PRKN: variants seen among roughly 807,000 people sequenced by gnomAD.
PRKN encodes the protein parkin RBR E3 ubiquitin protein ligase.
PRKN carries 56 observed loss-of-function variants against 59.5 expected under a neutral mutation model. The observed-to-expected ratio is 0.94, with a 90% CI of 0.76 to 1.18. The LOEUF is 1.18. Among genes scored for constraint, PRKN ranks in the 50% most tolerant of loss-of-function variants. The probability of loss-of-function intolerance (pLI) is 0.00; values close to 1 mark genes in which losing one functional copy is unlikely to be tolerated. For synonymous variants in PRKN, 250 were observed against 222.1 expected (o/e 1.13, Z -1.12); for missense variants, 657 against 596.4 (o/e 1.10, Z -1.06).
chr6:161,589,397 C>CA (rs1185656368), intron 7 of PRKN, among the ~76,000 whole-genome samples: 26 of 152,134 alleles, frequency 1.7e-4, no homozygotes, highest in Admixed American at 1.7e-3. Flanking sequence ...AAGGTTCAAC[C>CA]AAACATCATC....
intron 7 of PRKN, among the ~76,000 whole-genome samples, chr6:161,653,596 CA>C (rs1397627160): frequency 6.6e-6 from 1 of 152,194 alleles, no homozygotes; most frequent in African/African-American, 2.4e-5. Flanking sequence ...CCACTAACTG[CA>C]ACATTCTCTC....
intron 2 of PRKN, among the ~76,000 whole-genome samples, chr6:162,312,491 C>T (rs1409237095): frequency 2.0e-5 from 3 of 152,096 alleles, no homozygotes; most frequent in African/African-American, 4.8e-5. Context: ...CAGTCACTGA[C>T]GAAGAGCCCT....
intron 6 of PRKN, among the ~76,000 whole-genome samples, chr6:161,920,581 T>C (rs12211392): frequency 0.15 from 22,241 of 151,668 alleles, 1,986 homozygotes; most frequent in Non-Finnish European, 0.2. Flanking sequence ...AGTCAAGAGA[T>C]TGAGACCATC....
At chr6:162,553,457 C>A (rs1233411959) in intron 1 of PRKN, among the ~76,000 whole-genome samples, 2 of 147,800 alleles carry the variant, frequency 1.4e-5, no homozygotes, top group Non-Finnish European at 3.0e-5. Context: ...GCTCATACCT[C>A]AGGAAACCGG....
chr6:161,625,398 C>T (rs1218241509), intron 7 of PRKN, among the ~76,000 whole-genome samples: 1 of 143,836 alleles, frequency 7.0e-6, no homozygotes, highest in South Asian at 2.3e-4. Flanking sequence ...GAACATCACA[C>T]ATCGGGGCTG....
rs1286945847 is a variant in PRKN at position 161,361,856 on chromosome 6, G to A, written c.1168-1651C>T. ...AGGCCCAGTGAGGGCGCTGTGGTTAGTGAGGGCCATTTCACAACTTGGTAA... is the reference window on the plus strand; with the variant it reads ...AGGCCCAGTGAGGGCGCTGTGGTTAATGAGGGCCATTTCACAACTTGGTAA... On this transcript the variant is annotated intron_variant, in intron 10 of 11. Transcript: ENST00000366898. The surrounding 1 kb of genome is among the most constrained non-coding windows in gnomAD (Gnocchi z 5.2). 6.6e-6 allele frequency among the ~76,000 whole-genome samples: 1 copy of A among 152,220 alleles called. No homozygotes were observed. Among genetic ancestry groups the A allele is most frequent in the Admixed American group, 6.5e-5 (1 of 15,282 alleles).
intron 9 of PRKN, among the ~76,000 whole-genome samples, chr6:161,430,603 C>T (rs1583057078): frequency 6.6e-6 from 1 of 150,964 alleles, no homozygotes; most frequent in East Asian, 2.0e-4. Flanking sequence ...ATCACGAGGT[C>T]AGGAGATCAA....
intron 7 of PRKN, among the ~76,000 whole-genome samples, chr6:161,714,384 A>C (rs1430531456): frequency 6.6e-6 from 1 of 152,160 alleles, no homozygotes; most frequent in East Asian, 1.9e-4. Context: ...TTAGATACTT[A>C]TAAAAGAGGC....
intron 7 of PRKN, among the ~76,000 whole-genome samples, chr6:161,741,658 A>G (rs1220853326): frequency 1.3e-5 from 2 of 152,074 alleles, no homozygotes; most frequent in African/African-American, 2.4e-5. Context: ...CGAGGGTTCA[A>G]ACTGGTCTGG....
chr6:161,984,852 C>T (rs779734191), intron 5 of PRKN, among the ~76,000 whole-genome samples: 3 of 152,158 alleles, frequency 2.0e-5, no homozygotes, highest in Admixed American at 6.5e-5. Flanking sequence ...CAAAGTTCCA[C>T]GCTGCACAGC....
At chr6:162,126,048 A>C (rs1295820530) in intron 4 of PRKN, among the ~76,000 whole-genome samples, 1 of 152,166 alleles carries the variant, frequency 6.6e-6, no homozygotes, top group Non-Finnish European at 1.5e-5. Context: ...TAACAGATCA[A>C]CTCCATATAT....
At chr6:162,243,778 A>G (rs1472345990) in intron 3 of PRKN, among the ~76,000 whole-genome samples, 1 of 152,144 alleles carries the variant, frequency 6.6e-6, no homozygotes, top group Non-Finnish European at 1.5e-5. Flanking sequence ...AAAGATGATG[A>G]GCTAATTATT....
At chr6:161,759,671 C>T (rs1789108616) in intron 7 of PRKN, among the ~76,000 whole-genome samples, 1 of 152,170 alleles carries the variant, frequency 6.6e-6, no homozygotes, top group Non-Finnish European at 1.5e-5. Flanking sequence ...TTCACTGACT[C>T]ACATACATTT....
intron 4 of PRKN, among the ~76,000 whole-genome samples, chr6:162,115,926 A>T (rs1201773020): frequency 2.6e-5 from 4 of 152,206 alleles, no homozygotes; most frequent in Admixed American, 2.6e-4. Flanking sequence ...TCTCCACAGC[A>T]TCTTTTTTCC....
At chr6:161,855,535 A>G (rs1273356364) in intron 6 of PRKN, among the ~76,000 whole-genome samples, 1 of 152,220 alleles carries the variant, frequency 6.6e-6, no homozygotes, top group African/African-American at 2.4e-5. Context: ...TACTCCAAAC[A>G]CAGGCTGCTA....
At chr6:162,633,357 T>C (rs949321420) in intron 1 of PRKN, among the ~76,000 whole-genome samples, 5 of 131,824 alleles carry the variant, frequency 3.8e-5, no homozygotes, top group African/African-American at 1.2e-4. Flanking sequence ...ATCAGTTGAA[T>C]CCAGGAGGCG....
At chr6:161,657,120 C>T (rs1432132368) in intron 7 of PRKN, among the ~76,000 whole-genome samples, 1 of 152,166 alleles carries the variant, frequency 6.6e-6, no homozygotes, top group Non-Finnish European at 1.5e-5. Flanking sequence ...TCTTTATTAT[C>T]ATTCTGTCTA....
chr6:162,635,189 T>C (rs1020427233), intron 1 of PRKN, among the ~76,000 whole-genome samples: 1 of 152,196 alleles, frequency 6.6e-6, no homozygotes, highest in Non-Finnish European at 1.5e-5. Context: ...CTTTTATATA[T>C]TTTTCACATG....
At chr6:162,060,594 A>G (rs561960700) in intron 4 of PRKN, among the ~76,000 whole-genome samples, 2 of 152,264 alleles carry the variant, frequency 1.3e-5, no homozygotes, top group Non-Finnish European at 2.9e-5. Context: ...AATGCCCAGA[A>G]AAGTGGAAAA....
Sources: gnomAD v4.1 joint callset for allele counts (sites outside exome capture counted in the v4.1 genomes callset) on GRCh38, gnomAD v4.1.1 for gene constraint, Gnocchi (gnomAD v3.1) non-coding constraint, MANE v1.5 for transcripts, NCBI Gene and HGNC (gene_info 2026-07-23, HGNC 2026-07-21) for gene names.